DPF3: variants seen among roughly 807,000 people sequenced by gnomAD.
DPF3 encodes double PHD fingers 3.
DPF3 carries 18 observed loss-of-function variants against 56.8 expected under a neutral mutation model. The observed-to-expected ratio is 0.32, with a 90% confidence interval of 0.22 to 0.47. The LOEUF is 0.47. DPF3 is among the 20% of genes least tolerant of loss of function. DPF3 has a pLI of 1.00. For missense variants in DPF3, 403 were observed against 488.8 expected (o/e 0.82, Z 1.65); for synonymous variants, 188 against 180.2 (o/e 1.04, Z -0.35).
rs141330586 is a variant in DPF3 at position 72,727,524 on chromosome 14, T to C, written c.430-3796A>G. 8.9e-3 allele frequency among the ~76,000 whole-genome samples: 1,343 copies of C among 150,740 alleles called. 17 individuals are homozygous for C. The highest frequency in any genetic ancestry group is 0.012 in the Non-Finnish European group (824 of 67,812). ...CTGGGAGGTGGAGGCTGCAGTCAGCTGAGATTGTACCATTGCACTCCAGCC... is the reference window on the plus strand; with the variant it reads ...CTGGGAGGTGGAGGCTGCAGTCAGCCGAGATTGTACCATTGCACTCCAGCC... On this transcript the variant is annotated intron_variant, in intron 4 of 10. Coordinates refer to ENST00000556509, the MANE Select transcript of DPF3 (RefSeq NM_001280542.3).
chr14:72,680,460 G>T (rs1453968942), intron 7 of DPF3, among the ~76,000 whole-genome samples: 1 of 152,210 alleles, frequency 6.6e-6, no homozygotes, highest in Admixed American at 6.5e-5. Context: ...GCAGACAGTA[G>T]GGCCCGCTCC....
intron 7 of DPF3, among the ~76,000 whole-genome samples, chr14:72,686,345 G>A (rs377078636): frequency 2.0e-5 from 3 of 152,238 alleles, no homozygotes; most frequent in Non-Finnish European, 2.9e-5. Flanking sequence ...CACAGGCATG[G>A]TGCCAAACAT....
At chr14:72,623,069 G>A (rs61171101) in intron 9 of DPF3, among the ~76,000 whole-genome samples, 6,203 of 152,238 alleles carry the variant, frequency 0.041, 224 homozygotes, top group East Asian at 0.11. Flanking sequence ...GCAAGATGGA[G>A]AAAACATATA....
intron 3 of DPF3, among the ~76,000 whole-genome samples, chr14:72,734,772 T>C (rs1440692448): frequency 6.6e-6 from 1 of 152,192 alleles, no homozygotes; most frequent in Non-Finnish European, 1.5e-5. Context: ...AGCTGAATGA[T>C]ATTTCCAAGT....
chr14:72,725,025 GT>G lies in DPF3; in HGVS notation c.430-1298del, dbSNP rs200317246. ...AGCTACCACACCTGGCCACCTGGGG[GT>G]TTCTTTATGGGCTCACTGTGTGATC... is the stretch of plus-strand genomic sequence containing the variant. On this transcript the variant is annotated intron_variant, in intron 4 of 10. Coordinates refer to ENST00000556509, the MANE Select transcript of DPF3 (RefSeq NM_001280542.3). Among the ~76,000 whole-genome samples, 792 of 152,126 alleles carry G rather than the reference GT, an allele frequency of 5.2e-3. 5 individuals carry two copies. Among genetic ancestry groups the G allele is most frequent in the Middle Eastern group, 0.017 (5 of 294 alleles).
chr14:72,790,805 C>A (rs112214973), intron 1 of DPF3, among the ~76,000 whole-genome samples: 30 of 152,288 alleles, frequency 2.0e-4, no homozygotes, highest in African/African-American at 6.5e-4. Flanking sequence ...CTTACTTCTC[C>A]CCCCTCAAGA....
At chr14:72,792,456 C>T (rs906246510) in intron 1 of DPF3, among the ~76,000 whole-genome samples, 2 of 152,092 alleles carry the variant, frequency 1.3e-5, no homozygotes, top group Non-Finnish European at 2.9e-5. Context: ...AAAAAGAAAT[C>T]CACATTTCTA....
At chr14:72,631,215 G>A (rs927785918) in intron 8 of DPF3, among the ~76,000 whole-genome samples, 2 of 152,196 alleles carry the variant, frequency 1.3e-5, no homozygotes, top group African/African-American at 4.8e-5. Context: ...GGAGAGGCCT[G>A]ATCTAAAAGC....
At chr14:72,782,762 G>C (rs955384078) in intron 1 of DPF3, among the ~76,000 whole-genome samples, 1 of 152,092 alleles carries the variant, frequency 6.6e-6, no homozygotes, top group African/African-American at 2.4e-5. Context: ...GAACCTGGAA[G>C]ACAGAGGTTG....
chr14:72,772,193 C>T (rs1368652146), intron 1 of DPF3, among the ~76,000 whole-genome samples: 1 of 152,202 alleles, frequency 6.6e-6, no homozygotes, highest in Non-Finnish European at 1.5e-5. Context: ...TTCTAGGAAG[C>T]ATGAGGTCCC....
intron 8 of DPF3, among the ~76,000 whole-genome samples, chr14:72,660,513 G>A (rs773243846): frequency 2.6e-5 from 4 of 152,170 alleles, no homozygotes; most frequent in Non-Finnish European, 5.9e-5. Context: ...CACAAGGAAA[G>A]CCTACCCCGG....
chr14:72,787,642 T>C (rs1050754399), intron 1 of DPF3, among the ~76,000 whole-genome samples: 12 of 152,316 alleles, frequency 7.9e-5, no homozygotes, highest in Middle Eastern at 3.4e-3. Context: ...TAATGATTAT[T>C]ACACTTTTCC....
intron 1 of DPF3, among the ~76,000 whole-genome samples, chr14:72,813,932 A>G (rs1014044793): frequency 1.3e-5 from 2 of 152,080 alleles, no homozygotes; most frequent in South Asian, 2.1e-4. Flanking sequence ...TGGGAGTTTA[A>G]TTCAGAGGTT....
intron 1 of DPF3, among the ~76,000 whole-genome samples, chr14:72,804,673 G>C (rs777071472): frequency 7.2e-4 from 110 of 152,126 alleles, no homozygotes; most frequent in African/African-American, 1.0e-3. Context: ...TCGTGAGCAC[G>C]AGAAAGTGCC....
chr14:72,757,067 G>GAGGAAGGA (rs112770433), intron 2 of DPF3, among the ~76,000 whole-genome samples: 21 of 115,100 alleles, frequency 1.8e-4, no homozygotes, highest in African/African-American at 4.5e-4. Context: ...GAAAGGGGGA[G>GAGGAAGGA]AGGAAGGAAG....
In DPF3 at chr14:72,894,097, A is replaced by C; in HGVS notation, c.-9T>G. On this transcript the variant is annotated 5_prime_UTR_variant, in exon 1 of 11. In the 5' UTR this introduces an upstream ATG that the reference lacks. Transcript: ENST00000556509. Reference sequence around the variant, plus strand: ...TGAATGACAGTCGCCATTTTGCTACAATGTAACAGAATATTGTCTCAGAGT... The same window carrying C: ...TGAATGACAGTCGCCATTTTGCTACCATGTAACAGAATATTGTCTCAGAGT... 2.0e-6 allele frequency: 3 copies of C among 1,492,906 alleles called. No homozygotes were observed. The highest frequency in any genetic ancestry group is 2.7e-6 in the Non-Finnish European group (3 of 1,130,346). The allele number at this position is 1,492,906 out of a possible 1,614,324, so 92.5% of individuals were successfully genotyped here.
rs541606392 is a variant in DPF3, at chr14:72,674,278, G to A, written c.833C>T (p.Pro278Leu). ...GTCTGCGCAGGACACCAGCTCTTCAGGCCGCCCACTCTTCTTGTTCATGTT... is the reference window on the plus strand; with the variant it reads ...GTCTGCGCAGGACACCAGCTCTTCAAGCCGCCCACTCTTCTTGTTCATGTT... ...GSNMNKKSGR[P>L]EELVSCADCG... The change falls in exon 8 of 11, where the codon CCT becomes CTT. Residue 278 changes from proline (P) to leucine (L), a missense_variant. Coordinates refer to ENST00000556509, the MANE Select transcript of DPF3 (RefSeq NM_001280542.3). The A allele has an allele frequency of 1.2e-6, 2 of 1,612,586 alleles. No homozygotes were observed. The highest frequency in any genetic ancestry group is 8.5e-7 in the Non-Finnish European group (1 of 1,179,450).
intron 1 of DPF3, among the ~76,000 whole-genome samples, chr14:72,888,158 CCT>C (rs1291651438): frequency 6.6e-6 from 1 of 152,016 alleles, no homozygotes; most frequent in Non-Finnish European, 1.5e-5. Flanking sequence ...TGAACCTAAT[CCT>C]CTCACCCCTC....
chr14:72,777,446 T>C (rs1357545824), intron 1 of DPF3, among the ~76,000 whole-genome samples: 1 of 152,208 alleles, frequency 6.6e-6, no homozygotes, highest in Non-Finnish European at 1.5e-5. Context: ...TAGTGTTTGT[T>C]ACAGACTGAA....
Sources: allele counts gnomAD v4.1 joint callset (sites outside exome capture counted in the v4.1 genomes callset), GRCh38; gene constraint gnomAD v4.1.1; transcripts MANE v1.5; gene names NCBI Gene and HGNC (gene_info 2026-07-23, HGNC 2026-07-21).